PSD3: variants seen among roughly 807,000 people sequenced by gnomAD.
PSD3 encodes PH and SEC7 domain-containing protein 3.
Under a neutral mutation model 105.5 loss-of-function variants are expected in PSD3, and 49 were observed. That is an observed-to-expected ratio of 0.46 (90% CI 0.37 to 0.59). PSD3 has a LOEUF of 0.59. PSD3 is among the 20% of genes least tolerant of loss of function. PSD3 has a pLI of 0.00. For synonymous variants in PSD3, 557 were observed against 457.8 expected (o/e 1.22, Z -2.77); for missense variants, 1,561 against 1,263.8 (o/e 1.24, Z -3.57).
At chr8:18,841,219 G>A (rs1814595162) in intron 4 of PSD3, among the ~76,000 whole-genome samples, 1 of 152,180 alleles carries the variant, frequency 6.6e-6, no homozygotes, top group Non-Finnish European at 1.5e-5. Context: ...TGCTGTGTTT[G>A]TTATGGCTGG....
chr8:19,023,340 G>A (rs934646816), intron 1 of PSD3, among the ~76,000 whole-genome samples: 18 of 152,044 alleles, frequency 1.2e-4, no homozygotes, highest in Admixed American at 7.9e-4. Flanking sequence ...CTCACTAGCC[G>A]TATTTCAAGT....
intron 1 of PSD3, among the ~76,000 whole-genome samples, chr8:19,028,416 G>C (rs561319497): frequency 1.5e-4 from 22 of 151,292 alleles, no homozygotes; most frequent in African/African-American, 5.3e-4. Flanking sequence ...GCAGTGGCGT[G>C]ATTGTAACTC....
chr8:18,590,341 T>G (rs1803508727), intron 12 of PSD3, among the ~76,000 whole-genome samples: 1 of 152,140 alleles, frequency 6.6e-6, no homozygotes, highest in Non-Finnish European at 1.5e-5. Context: ...ACGGGAGGCC[T>G]CTTTGCCAGA....
intron 4 of PSD3, among the ~76,000 whole-genome samples, chr8:18,814,929 A>C (rs1435184598): frequency 6.6e-6 from 1 of 152,252 alleles, no homozygotes; most frequent in Non-Finnish European, 1.5e-5. Context: ...CAAAGTAGAC[A>C]TGCCTTATGT....
chr8:18,662,716 T>C (rs557898993), intron 9 of PSD3, among the ~76,000 whole-genome samples: 1 of 152,304 alleles, frequency 6.6e-6, no homozygotes, highest in African/African-American at 2.4e-5. Context: ...ACCTTAGCTA[T>C]CACCCAGCCA....
intron 8 of PSD3, among the ~76,000 whole-genome samples, chr8:18,767,020 C>T (rs558011320): frequency 1.7e-4 from 26 of 152,186 alleles, no homozygotes; most frequent in African/African-American, 3.9e-4. Context: ...AAGCTACTCA[C>T]TGTATATAGA....
chr8:19,051,206 C>T (rs1326926031), intron 1 of PSD3, among the ~76,000 whole-genome samples: 1 of 152,126 alleles, frequency 6.6e-6, no homozygotes, highest in Admixed American at 6.5e-5. Context: ...CCCTCTGGTC[C>T]CAATCGGGGG....
At chr8:18,587,432 T>C (rs1803278574) in intron 12 of PSD3, among the ~76,000 whole-genome samples, 2 of 152,120 alleles carry the variant, frequency 1.3e-5, no homozygotes, top group African/African-American at 4.8e-5. Flanking sequence ...ATTTTTTTCA[T>C]CATCTTTCTA....
At chr8:18,560,209 CAA>C (rs1491120887) in intron 14 of PSD3, among the ~76,000 whole-genome samples, 4 of 136,000 alleles carry the variant, frequency 2.9e-5, no homozygotes, top group African/African-American at 7.8e-5. Context: ...CACACACACA[CAA>C]ACAAAAAAAC....
rs1386624605 is a variant in PSD3, at chr8:18,651,285, G to C, written c.2216+4357C>G. ...AACCAATGATATAAAAACCTATAAG[G>C]TTTATAACAGTTATAACATTCTCCG... On this transcript the variant is annotated intron_variant, in intron 10 of 15. Transcript: ENST00000327040. Among the ~76,000 whole-genome samples, 3 of 152,180 alleles carry C rather than the reference G, an allele frequency of 2.0e-5. No individual in the cohort carries two copies. The East Asian group carries it at 5.8e-4, about 29-fold the overall frequency.
chr8:18,674,919 T>G (rs1238415944), intron 9 of PSD3, among the ~76,000 whole-genome samples: 1 of 152,050 alleles, frequency 6.6e-6, no homozygotes, highest in African/African-American at 2.4e-5. Context: ...GAGGATTATA[T>G]GAGGCCAGGA....
chr8:18,606,488 T>C (rs1004229187), intron 11 of PSD3, among the ~76,000 whole-genome samples: 7 of 152,366 alleles, frequency 4.6e-5, no homozygotes, highest in Admixed American at 1.3e-4. Context: ...CAGTTTTAGA[T>C]GTTTTATTAT....
intron 4 of PSD3, among the ~76,000 whole-genome samples, chr8:18,863,990 A>G (rs1480234036): frequency 6.6e-6 from 1 of 152,106 alleles, no homozygotes; most frequent in African/African-American, 2.4e-5. Flanking sequence ...AATTCAGCCG[A>G]GAACAGTGTC....
At chr8:18,632,538 C>G in intron 11 of PSD3, 75 bp downstream of exon 11, 1 of 1,463,914 alleles carries the variant, frequency 6.8e-7, no homozygotes, top group Non-Finnish European at 9.3e-7. Context: ...CCTTGACTTT[C>G]AGATAAATTC....
chr8:19,077,205 A>G (rs1829486204), intron 1 of PSD3, among the ~76,000 whole-genome samples: 1 of 152,210 alleles, frequency 6.6e-6, no homozygotes, highest in Admixed American at 6.5e-5. Flanking sequence ...GAACTCAATG[A>G]AGAGCAGCCA....
chr8:18,662,638 G>C (rs754175713), intron 9 of PSD3, among the ~76,000 whole-genome samples: 4 of 152,154 alleles, frequency 2.6e-5, no homozygotes, highest in Non-Finnish European at 4.4e-5. Flanking sequence ...CAATAGGAGA[G>C]GGCTGCATAA....
intron 1 of PSD3, among the ~76,000 whole-genome samples, chr8:19,071,916 G>C (rs1829278563): frequency 6.6e-6 from 1 of 152,040 alleles, no homozygotes; most frequent in South Asian, 2.1e-4. Context: ...CACTATGTTG[G>C]TCAGGCTGGT....
At chr8:18,969,465 T>A (rs2129471873) in intron 1 of PSD3, among the ~76,000 whole-genome samples, 1 of 152,346 alleles carries the variant, frequency 6.6e-6, no homozygotes, top group Admixed American at 6.5e-5. Flanking sequence ...CAGGGGACTC[T>A]GTAATGACAG....
intron 4 of PSD3, among the ~76,000 whole-genome samples, chr8:18,857,715 T>A (rs1816128145): frequency 6.6e-6 from 1 of 152,174 alleles, no homozygotes; most frequent in Non-Finnish European, 1.5e-5. Context: ...AAAATGCAGA[T>A]TCTAATGTAG....
Sources: allele counts gnomAD v4.1 joint callset (sites outside exome capture counted in the v4.1 genomes callset), GRCh38; gene constraint gnomAD v4.1.1; transcripts MANE v1.5; gene names NCBI Gene and HGNC (gene_info 2026-07-23, HGNC 2026-07-21).